Variants in ADAM10 observed in about 807,000 individuals in gnomAD.
The protein encoded by ADAM10 is disintegrin and metalloproteinase domain-containing protein 10.
In ADAM10, 17 loss-of-function variants were observed where a neutral mutation model predicts 90.1. The ratio of observed to expected loss-of-function variants is 0.19; its 90% CI spans 0.13 to 0.28. ADAM10 has a LOEUF of 0.28. Ranked by LOEUF, ADAM10 falls within the 10% of genes least tolerant of loss-of-function variation. The pLI is 1.00. For missense variants in ADAM10, 610 were observed against 914.3 expected (o/e 0.67, Z 4.29); for synonymous variants, 310 against 298.6 (o/e 1.04, Z -0.40).
chr15:58,615,606 T>C (rs141880932), intron 11 of ADAM10, among the ~76,000 whole-genome samples: 5 of 152,116 alleles, frequency 3.3e-5, no homozygotes, highest in African/African-American at 9.6e-5. Flanking sequence ...TCTAAAGACA[T>C]ATATAGACTA....
intron 1 of ADAM10, among the ~76,000 whole-genome samples, chr15:58,739,278 A>T (rs1899526084): frequency 6.6e-6 from 1 of 151,824 alleles, no homozygotes. Flanking sequence ...AGGCCAAGGC[A>T]GGTGAATCAC....
chr15:58,651,058 AGT>A (rs1400210744), intron 5 of ADAM10, among the ~76,000 whole-genome samples: 1 of 152,038 alleles, frequency 6.6e-6, no homozygotes, highest in Non-Finnish European at 1.5e-5. Flanking sequence ...TCTTTTGTGA[AGT>A]GTCTTTTCAA....
chr15:58,744,258 G>C (rs1365745625), intron 1 of ADAM10, among the ~76,000 whole-genome samples: 4 of 151,830 alleles, frequency 2.6e-5, no homozygotes, highest in Non-Finnish European at 5.9e-5. Flanking sequence ...GTAGGGGTGG[G>C]GGGCAGGGAG....
rs570842513 is a variant in ADAM10, at chr15:58,620,660, A to ATTTTTTTTTTTTTT, written c.1511+797_1511+810dup. Among the ~76,000 whole-genome samples, 23 of 59,416 alleles carry ATTTTTTTTTTTTTT rather than the reference A, an allele frequency of 3.9e-4. 4 individuals carry two copies. The African/African-American group carries it at 3.9e-3, about 10-fold the overall frequency. The allele number at this position is 59,416 out of a possible 152,430, so 39.0% of individuals were successfully genotyped here. On this transcript the variant is annotated intron_variant, in intron 11 of 15. Transcript: ENST00000260408. ...CACAATAAGTAACTAAAGAATATGTATTTTTTTTTTTTTTTTTTTGAGACG... is the reference window on the plus strand; with the variant it reads ...CACAATAAGTAACTAAAGAATATGTATTTTTTTTTTTTTTTTTTTTTTTTTTTTTTTTTGAGACG...
chr15:58,665,150 C>G lies in ADAM10; in HGVS notation c.532G>C (p.Val178Leu). ...GPQGGCADHS[V>L]FERMRKYQMT... ...TGGTATTTCCTCATTCTTTCAAATA[C>G]TGAATGATCTGCACAGCCCCCCTGA... Residue 178 changes from valine to leucine, a missense_variant, in exon 5 of 16, where the codon GTA (valine) becomes CTA (leucine). By Grantham distance (32) the Val-to-Leu change is conservative. This residue lies in a region of ADAM10 where 310 missense variants were observed against 362.4 expected (regional missense o/e 0.86). Transcript: ENST00000260408. 1 of 1,613,500 alleles carries G rather than the reference C, an allele frequency of 6.2e-7. No homozygotes were observed.
At chr15:58,656,620 C>T (rs1896834542) in intron 5 of ADAM10, among the ~76,000 whole-genome samples, 1 of 152,062 alleles carries the variant, frequency 6.6e-6, no homozygotes, top group Non-Finnish European at 1.5e-5. Context: ...TTAACTTTGT[C>T]CCCCTGCTTT....
Position 58,647,246 on chromosome 15 carries a change from G to GTCTT in ADAM10, c.586-1043_586-1042insAAGA, listed in dbSNP as rs1323960397. 1.4e-3 allele frequency among the ~76,000 whole-genome samples: 50 copies of GTCTT among 36,846 alleles called. 1 individual carries two copies. Among genetic ancestry groups the GTCTT allele is most frequent in the African/African-American group, 3.5e-3 (47 of 13,596 alleles). 24.2% of individuals were successfully genotyped at this position (36,846 alleles called of 152,430 possible). A position where few individuals can be genotyped will look rare whatever the true frequency, so the allele number is the denominator to read the frequency against. ...CTTGGCAGCAAAGAGTAGACACTAA[G>GTCTT]TATTTTTTTTTTTTTTTTTTTTTTT... is the stretch of plus-strand genomic sequence containing the variant. On this transcript the variant is annotated intron_variant, in intron 5 of 15. Coordinates refer to ENST00000260408, the MANE Select transcript of ADAM10 (RefSeq NM_001110.4).
chr15:58,618,933 CTG>C (rs1895699339), intron 11 of ADAM10, among the ~76,000 whole-genome samples: 1 of 152,100 alleles, frequency 6.6e-6, no homozygotes, highest in African/African-American at 2.4e-5. Flanking sequence ...AGTATAGCCA[CTG>C]TGTAAACTGG....
chr15:58,619,094 T>G (rs1245522715), intron 11 of ADAM10, among the ~76,000 whole-genome samples: 1 of 152,030 alleles, frequency 6.6e-6, no homozygotes, highest in Non-Finnish European at 1.5e-5. Context: ...ACAGAATTAG[T>G]CTAAGTGTCC....
At chr15:58,645,124 C>G (rs188188519) in intron 6 of ADAM10, among the ~76,000 whole-genome samples, 3 of 152,156 alleles carry the variant, frequency 2.0e-5, no homozygotes, top group African/African-American at 7.2e-5. Context: ...AAACATAAAA[C>G]ATAAAACAAG....
chr15:58,682,506 T>C (rs185480219), intron 2 of ADAM10, among the ~76,000 whole-genome samples, 192 bp from the exon 3 acceptor site: 3 of 152,280 alleles, frequency 2.0e-5, no homozygotes, highest in Non-Finnish European at 4.4e-5. Flanking sequence ...GGTAGGACTC[T>C]AAATGAGATA....
intron 2 of ADAM10, among the ~76,000 whole-genome samples, chr15:58,710,172 G>A (rs533383815): frequency 1.3e-5 from 2 of 152,228 alleles, no homozygotes; most frequent in East Asian, 1.9e-4. Flanking sequence ...CCAGCTACTC[G>A]GGAGGCTGAG....
intron 2 of ADAM10, among the ~76,000 whole-genome samples, chr15:58,707,065 C>T (rs1485771459): frequency 2.0e-5 from 2 of 99,816 alleles, no homozygotes; most frequent in Admixed American, 1.1e-4. Context: ...AAAAGAAATT[C>T]TAGGGCTATA....
chr15:58,676,167 C>T (rs1371401090), intron 4 of ADAM10: 3 of 389,224 alleles, frequency 7.7e-6, no homozygotes, highest in African/African-American at 4.3e-5. Context: ...CCCCAGAAAT[C>T]CTTGAAGTAA....
rs552124650 is a variant in ADAM10, at chr15:58,736,889, A to G, written c.55+12591T>C. ...GGGAAGTCGAAAGTGATTGTTTAGG[A>G]GGATCACTTTAGCTCGGGAGTTCAA... is the stretch of plus-strand genomic sequence containing the variant. On this transcript the variant is annotated intron_variant, in intron 1 of 15. Transcript: ENST00000260408. Among the ~76,000 whole-genome samples, 48 of 152,162 alleles carry G rather than the reference A, an allele frequency of 3.2e-4. No individual in the cohort carries two copies. In the South Asian group the frequency reaches 1.0e-2, roughly 32 times the overall value.
intron 2 of ADAM10, among the ~76,000 whole-genome samples, chr15:58,711,723 A>C (rs1898478751): frequency 6.6e-6 from 1 of 152,232 alleles, no homozygotes; most frequent in Admixed American, 6.5e-5. Flanking sequence ...ATGAAGAATG[A>C]AAAGGTTTAA....
Position 58,611,158 on chromosome 15 carries a change from A to AT in ADAM10, c.1696-52dup, listed in dbSNP as rs757188529. On this transcript the variant is annotated intron_variant, in intron 12 of 15. Transcript: ENST00000260408. ...GTTTAATCCCTATACAGTCAAACCTATTTTTTATAGTAACAGACAGGCAAG... is the reference window on the plus strand; with the variant it reads ...GTTTAATCCCTATACAGTCAAACCTATTTTTTTATAGTAACAGACAGGCAAG... 12 of 1,348,142 alleles carry AT rather than the reference A, an allele frequency of 8.9e-6. No individual in the cohort carries two copies. The East Asian group carries it at 2.8e-4, about 31-fold the overall frequency. The allele number at this position is 1,348,142 out of a possible 1,614,324, so 83.5% of individuals were successfully genotyped here.
intron 14 of ADAM10, among the ~76,000 whole-genome samples, chr15:58,603,316 T>C (rs1895166083): frequency 1.3e-5 from 2 of 152,170 alleles, no homozygotes; most frequent in South Asian, 4.1e-4. Context: ...ACGACCATTT[T>C]GAGTAATGCA....
intron 2 of ADAM10, among the ~76,000 whole-genome samples, chr15:58,701,258 T>C (rs1368796035): frequency 6.6e-6 from 1 of 151,806 alleles, no homozygotes; most frequent in Non-Finnish European, 1.5e-5. Context: ...AAAAATCCCA[T>C]TAAAAAGTGG....
Sources: allele counts gnomAD v4.1 joint callset (sites outside exome capture counted in the v4.1 genomes callset), GRCh38; gene constraint gnomAD v4.1.1; regional missense constraint gnomAD v4.1.1; transcripts MANE v1.5; gene names NCBI Gene and HGNC (gene_info 2026-07-23, HGNC 2026-07-21).